IQSEC1: variants seen among roughly 807,000 people sequenced by gnomAD.
The protein encoded by IQSEC1 is IQ motif and Sec7 domain ArfGEF 1, also known as IQ motif and SEC7 domain-containing protein 1.
In IQSEC1, 31 loss-of-function variants were observed where a neutral mutation model predicts 91.0. That is an observed-to-expected ratio of 0.34 (90% CI 0.26 to 0.46). IQSEC1 has a LOEUF of 0.46. Among genes scored for constraint, IQSEC1 ranks in the 20% least tolerant of loss-of-function variants. The pLI, the probability that IQSEC1 is intolerant of heterozygous loss-of-function variation, is 1.00. For synonymous variants in IQSEC1, 699 were observed against 662.6 expected (o/e 1.05, Z -0.84); for missense variants, 1,388 against 1,575.6 (o/e 0.88, Z 2.02).
At chr3:13,108,929 C>A (rs962631648) in intron 2 of IQSEC1, among the ~76,000 whole-genome samples, 1 of 152,168 alleles carries the variant, frequency 6.6e-6, no homozygotes, top group East Asian at 1.9e-4. Flanking sequence ...AAGGCAAATG[C>A]GGTAAACAGT....
intron 2 of IQSEC1, among the ~76,000 whole-genome samples, chr3:13,136,882 A>G (rs1706720457): frequency 6.6e-6 from 1 of 152,198 alleles, no homozygotes; most frequent in Non-Finnish European, 1.5e-5. Flanking sequence ...CATGTCTGTA[A>G]TCCCAGCACT....
At chr3:12,975,157 C>T (rs1701102452) in intron 1 of IQSEC1, among the ~76,000 whole-genome samples, 1 of 152,238 alleles carries the variant, frequency 6.6e-6, no homozygotes, top group Non-Finnish European at 1.5e-5. Flanking sequence ...CCCTTCAGAG[C>T]CTGCAAGTTC....
intron 1 of IQSEC1, among the ~76,000 whole-genome samples, chr3:13,052,294 C>T (rs567870478): frequency 2.0e-5 from 3 of 152,380 alleles, no homozygotes; most frequent in Admixed American, 6.5e-5. Flanking sequence ...CAAATGGAAT[C>T]ATCCAGTGTG....
At chr3:13,121,189 A>G (rs1043670533) in intron 2 of IQSEC1, among the ~76,000 whole-genome samples, 1 of 152,198 alleles carries the variant, frequency 6.6e-6, no homozygotes, top group Non-Finnish European at 1.5e-5. Context: ...CCATGCCTGC[A>G]CCTCTGCCTG....
intron 1 of IQSEC1, among the ~76,000 whole-genome samples, chr3:13,006,396 A>G (rs1157365322): frequency 6.6e-6 from 1 of 152,180 alleles, no homozygotes; most frequent in East Asian, 1.9e-4. Flanking sequence ...TGTGGGGGCC[A>G]TGTGGAGGGA....
intron 8 of IQSEC1, among the ~76,000 whole-genome samples, chr3:12,914,688 C>T (rs952872562): frequency 6.6e-6 from 1 of 151,886 alleles, no homozygotes; most frequent in African/African-American, 2.4e-5. Context: ...TGTCCTGGGG[C>T]GTGTGGGCAC....
intron 1 of IQSEC1, among the ~76,000 whole-genome samples, chr3:13,229,429 T>C (rs1446296504): frequency 1.3e-5 from 2 of 152,142 alleles, no homozygotes; most frequent in African/African-American, 2.4e-5. Context: ...GTCGAAGTGT[T>C]TATGGCCTTC....
chr3:13,070,920 G>T (rs981705164), intron 1 of IQSEC1, among the ~76,000 whole-genome samples: 4 of 152,196 alleles, frequency 2.6e-5, no homozygotes, highest in Admixed American at 1.3e-4. Flanking sequence ...CCAACAGATT[G>T]AAGCAGACTC....
intron 1 of IQSEC1, among the ~76,000 whole-genome samples, chr3:13,228,182 G>A (rs1694789006): frequency 6.6e-6 from 1 of 152,170 alleles, no homozygotes; most frequent in Non-Finnish European, 1.5e-5. Flanking sequence ...GCCATCACCT[G>A]GGAACAGCTG....
At chr3:13,104,373 C>T (rs1706110693) in intron 2 of IQSEC1, among the ~76,000 whole-genome samples, 1 of 152,142 alleles carries the variant, frequency 6.6e-6, no homozygotes, top group African/African-American at 2.4e-5. Flanking sequence ...CTGCTGGGGC[C>T]AACATTAGGG....
At position 12,967,831 on chromosome 3, in the gene IQSEC1, C is replaced by G. The variant is rs958131479; in HGVS notation, c.24-25966G>C. The G allele has an allele frequency of 6.3e-6, 2 of 319,466 alleles. No individual in the cohort carries two copies. Among genetic ancestry groups the G allele is most frequent in the African/African-American group, 5.2e-5 (2 of 38,568 alleles). 19.8% of individuals were successfully genotyped at this position (319,466 alleles called of 1,614,324 possible). On this transcript the variant is annotated intron_variant, in intron 1 of 13. Coordinates refer to ENST00000613206, the MANE Select transcript of IQSEC1 (RefSeq NM_001134382.3). This position sits in a 1 kb window ranked among gnomAD's most constrained non-coding sequence, Gnocchi z 5.9. ...CGCGCGGGGGCGAGACTGCACGGAG[C>G]GTGTGGGGAAGAGAGCACAGGAGGC... is the stretch of plus-strand genomic sequence containing the variant.
chr3:13,232,986 G>A (rs1329361752), intron 1 of IQSEC1, among the ~76,000 whole-genome samples: 2 of 152,192 alleles, frequency 1.3e-5, no homozygotes, highest in Non-Finnish European at 2.9e-5. Flanking sequence ...AGGGAGGATG[G>A]AGAGTTGATG....
intron 1 of IQSEC1, among the ~76,000 whole-genome samples, chr3:12,997,792 G>T (rs189595856): frequency 6.6e-6 from 1 of 152,170 alleles, no homozygotes; most frequent in African/African-American, 2.4e-5. Context: ...ATTTGACCAG[G>T]TAGTAGATAT....
chr3:13,173,053 C>T (rs895547597), intron 1 of IQSEC1, among the ~76,000 whole-genome samples: 1 of 152,218 alleles, frequency 6.6e-6, no homozygotes, highest in Admixed American at 6.5e-5. Context: ...CACTTTTCAC[C>T]AAACCAGCTG....
chr3:12,936,045 C>T lies in IQSEC1; in HGVS notation c.971G>A (p.Gly324Asp). Residue 324 changes from glycine (G) to aspartate (D), a missense_variant, in exon 3 of 14, where the codon GGC becomes GAC. By Grantham distance (94) the Gly-to-Asp change is moderately conservative. Coordinates refer to ENST00000613206, the MANE Select transcript of IQSEC1 (RefSeq NM_001134382.3). ...CAGGGCCCAGTAGTCTGGGGCTGCG[C>T]CCCCAGCCCGTAGCCGCAGGTCCGA... ...TESDLRLRAG[G>D]AAPDYWALAH... is the part of the protein sequence containing the mutation. The T allele has an allele frequency of 2.5e-6, 4 of 1,604,144 alleles. No individual in the cohort carries two copies. Among genetic ancestry groups the T allele is most frequent in the East Asian group, 2.2e-5 (1 of 44,842 alleles).
chr3:13,059,797 C>T (rs550766016), intron 1 of IQSEC1, among the ~76,000 whole-genome samples: 1 of 152,286 alleles, frequency 6.6e-6, no homozygotes, highest in South Asian at 2.1e-4. Flanking sequence ...AGAGAAACAA[C>T]AGACTTCAGG....
At chr3:13,097,194 G>A (rs1236619073) in intron 2 of IQSEC1, among the ~76,000 whole-genome samples, 1 of 152,184 alleles carries the variant, frequency 6.6e-6, no homozygotes, top group Admixed American at 6.5e-5. Flanking sequence ...CTTCGCCTCT[G>A]CAAACCTTCC....
chr3:13,220,717 A>T (rs1248129700), intron 1 of IQSEC1, among the ~76,000 whole-genome samples: 1 of 152,094 alleles, frequency 6.6e-6, no homozygotes, highest in South Asian at 2.1e-4. Context: ...GTGCACGTCG[A>T]CCCTTGCAGA....
chr3:13,169,582 A>G (rs1402145786), intron 1 of IQSEC1, among the ~76,000 whole-genome samples: 2 of 152,238 alleles, frequency 1.3e-5, no homozygotes, highest in Non-Finnish European at 2.9e-5. Flanking sequence ...CTAGAGACTT[A>G]TTGAATGGCT....
Sources: allele counts gnomAD v4.1 joint callset (sites outside exome capture counted in the v4.1 genomes callset), GRCh38; gene constraint gnomAD v4.1.1; non-coding constraint Gnocchi (gnomAD v3.1); transcripts MANE v1.5; gene names NCBI Gene and HGNC (gene_info 2026-07-23, HGNC 2026-07-21).